The following ANKRD30B variants were observed in gnomAD, a reference collection of about 807,000 sequenced individuals.
ANKRD30B encodes ankyrin repeat domain 30B.
A neutral mutation model predicts 202.2 loss-of-function variants in ANKRD30B; 144 were observed. That is an observed-to-expected ratio of 0.71 (90% CI 0.62 to 0.82). ANKRD30B has a LOEUF of 0.82. Ranked by LOEUF, ANKRD30B falls within the 40% of genes least tolerant of loss-of-function variation. The pLI is 0.00. For missense variants in ANKRD30B, 1,487 were observed against 1,669.1 expected (o/e 0.89, Z 1.90); for synonymous variants, 508 against 561.3 (o/e 0.91, Z 1.34).
intron 24 of ANKRD30B, among the ~76,000 whole-genome samples, chr18:14,804,602 G>GA (rs1346488079): frequency 1.3e-5 from 2 of 150,420 alleles, no homozygotes; most frequent in Non-Finnish European, 3.0e-5. Flanking sequence ...ACCTTTGTGG[G>GA]AAAAAATGTG....
chr18:14,774,324 G>T (rs1269317100), intron 9 of ANKRD30B, among the ~76,000 whole-genome samples: 1 of 152,032 alleles, frequency 6.6e-6, no homozygotes, highest in East Asian at 1.9e-4. Flanking sequence ...ATACTTGATT[G>T]ACTGGTCACG....
intron 10 of ANKRD30B, among the ~76,000 whole-genome samples, chr18:14,779,609 G>A: frequency 6.6e-6 from 1 of 152,080 alleles, no homozygotes; most frequent in African/African-American, 2.4e-5. Flanking sequence ...AATAAAAACA[G>A]AGAGAATTGA....
the ANKRD30B span, among the ~76,000 whole-genome samples, chr18:14,939,260 T>C: frequency 5.5e-4 from 83 of 152,264 alleles, no homozygotes; most frequent in African/African-American, 1.9e-3. Context: ...ACCAGTCCTT[T>C]GCCCTAGGAT....
the ANKRD30B span, among the ~76,000 whole-genome samples, chr18:14,904,630 A>G: frequency 6.6e-5 from 10 of 151,904 alleles, no homozygotes; most frequent in South Asian, 4.2e-4. Context: ...CCCCCATCTC[A>G]TCTGATTCCT....
At chr18:14,844,902 C>A (rs1023032724) in intron 39 of ANKRD30B, among the ~76,000 whole-genome samples, 9 of 151,970 alleles carry the variant, frequency 5.9e-5, no homozygotes, top group Non-Finnish European at 1.0e-4. Context: ...AGTGTCTGTT[C>A]ATATCCTTCA....
chr18:14,842,289 G>A (rs1190068767), intron 37 of ANKRD30B, among the ~76,000 whole-genome samples: 3 of 152,216 alleles, frequency 2.0e-5, no homozygotes, highest in African/African-American at 7.2e-5. Context: ...AGAGGATACA[G>A]CAATGTAGGC....
chr18:14,784,454 C>T lies in ANKRD30B; in HGVS notation c.1600-9C>T, dbSNP rs773284223. The T allele has an allele frequency of 6.2e-7, 1 of 1,613,252 alleles. No homozygotes were observed. The highest frequency in any genetic ancestry group is 2.2e-5 in the East Asian group (1 of 44,766). ...CTTTATTGATCATTTTTCTTCCAAA[C>T]CCATTTAGCCTGCCGTTGAAATGCA... On this transcript the variant is annotated splice_polypyrimidine_tract_variant and intron_variant, in intron 13 of 43. Transcript: ENST00000690538.
chr18:14,830,303 T>G, intron 33 of ANKRD30B: 1 of 152,652 alleles, frequency 6.6e-6, no homozygotes, highest in Non-Finnish European at 1.5e-5. Context: ...TCTCTCTCCT[T>G]GGGTATAAGT....
the ANKRD30B span, among the ~76,000 whole-genome samples, chr18:14,887,727 A>G: frequency 2.6e-5 from 4 of 152,104 alleles, no homozygotes; most frequent in African/African-American, 7.2e-5. Flanking sequence ...CAGCTTATTA[A>G]AGTTTTTTAA....
the ANKRD30B span, among the ~76,000 whole-genome samples, chr18:14,936,613 G>A: frequency 6.6e-6 from 1 of 152,280 alleles, no homozygotes; most frequent in East Asian, 1.9e-4. Flanking sequence ...AGGGCTGTGA[G>A]GGAGACTCAC....
intron 15 of ANKRD30B, among the ~76,000 whole-genome samples, chr18:14,787,725 G>C (rs531663724): frequency 6.6e-6 from 1 of 152,252 alleles, no homozygotes; most frequent in African/African-American, 2.4e-5. Context: ...TTATGGCAGT[G>C]AAGCTGCAGC....
chr18:14,810,263 T>G, intron 28 of ANKRD30B, 83 bp downstream of exon 28: 1 of 904,388 alleles, frequency 1.1e-6, no homozygotes, highest in Non-Finnish European at 1.6e-6. Flanking sequence ...TTCCCAAAGT[T>G]GTTTTCTTTT....
At chr18:14,845,173 A>G (rs755718005) in intron 39 of ANKRD30B, among the ~76,000 whole-genome samples, 2 of 152,026 alleles carry the variant, frequency 1.3e-5, no homozygotes, top group Middle Eastern at 3.4e-3. Context: ...GCCCATGCCT[A>G]TGTCCTGAAT....
chr18:14,818,602 A>C (rs1342789530), intron 30 of ANKRD30B, among the ~76,000 whole-genome samples: 1 of 146,854 alleles, frequency 6.8e-6, no homozygotes, highest in East Asian at 2.1e-4. Context: ...ATTAGTGAGA[A>C]TATGCGGTGT....
chr18:14,901,097 G>A, the ANKRD30B span, among the ~76,000 whole-genome samples: 1 of 152,190 alleles, frequency 6.6e-6, no homozygotes, highest in Non-Finnish European at 1.5e-5. Context: ...ACCACTGAAA[G>A]AGTGGAGGGG....
At chr18:14,778,839 G>T (rs1967546324) in intron 10 of ANKRD30B, among the ~76,000 whole-genome samples, 1 of 152,216 alleles carries the variant, frequency 6.6e-6, no homozygotes, top group African/African-American at 2.4e-5. Flanking sequence ...CTGGAAGAAG[G>T]GCCATTGGAT....
chr18:14,783,012 G>A (rs1299027227), intron 12 of ANKRD30B, among the ~76,000 whole-genome samples: 2 of 152,128 alleles, frequency 1.3e-5, no homozygotes, highest in African/African-American at 4.8e-5. Flanking sequence ...TAGAAAGATG[G>A]CAAGAATATA....
chr18:14,770,485 G>T (rs950470842), intron 8 of ANKRD30B, among the ~76,000 whole-genome samples: 7 of 152,024 alleles, frequency 4.6e-5, no homozygotes, highest in African/African-American at 1.7e-4. Flanking sequence ...AGAGGGAATG[G>T]GTCTAATTAA....
At chr18:14,818,114 G>T (rs1450769414) in intron 30 of ANKRD30B, among the ~76,000 whole-genome samples, 1 of 152,124 alleles carries the variant, frequency 6.6e-6, no homozygotes, top group East Asian at 1.9e-4. Flanking sequence ...TTTGATGAAA[G>T]GAGATATATT....
Sources: gnomAD v4.1 joint callset for allele counts (sites outside exome capture counted in the v4.1 genomes callset) on GRCh38, gnomAD v4.1.1 for gene constraint, MANE v1.5 for transcripts, NCBI Gene and HGNC (gene_info 2026-07-23, HGNC 2026-07-21) for gene names.